Variants in NISCH observed in about 807,000 individuals in gnomAD.
NISCH encodes the protein nischarin.
Under a neutral mutation model 138.4 loss-of-function variants are expected in NISCH, and 55 were observed. That is an observed-to-expected ratio of 0.40 (90% CI 0.32 to 0.50). The LOEUF is 0.50. Ranked by LOEUF, NISCH falls within the 20% of genes least tolerant of loss-of-function variation. The probability of loss-of-function intolerance (pLI) is 0.71; values close to 1 mark genes in which losing one functional copy is unlikely to be tolerated. For missense variants in NISCH, 1,643 were observed against 2,005.5 expected, an observed-to-expected ratio of 0.82 and a Z score of 3.45; for synonymous variants, 860 against 861.5, an observed-to-expected ratio of 1.00 and a Z score of 0.03.
At chr3:52,456,495 T>TGCCA (rs10658765) in intron 1 of NISCH, among the ~76,000 whole-genome samples, 15,904 of 152,200 alleles carry the variant, frequency 0.1, 887 homozygotes, top group Non-Finnish European at 0.12. Context: ...CGGGGTTGGA[T>TGCCA]GCCAGGCCTG....
At chr3:52,474,246 T>C (rs1707034828) in intron 7 of NISCH, among the ~76,000 whole-genome samples, 1 of 152,164 alleles carries the variant, frequency 6.6e-6, no homozygotes, top group Non-Finnish European at 1.5e-5. Context: ...CCCAAGTAGC[T>C]GGGATTACAG....
intron 5 of NISCH, 53 bp from the exon 6 acceptor site, chr3:52,472,250 C>G (rs772438736): frequency 1.6e-5 from 25 of 1,520,714 alleles, no homozygotes; most frequent in Non-Finnish European, 2.3e-5. Flanking sequence ...CTGCAGCACT[C>G]CCCGATGGGC....
intron 4 of NISCH, chr3:52,471,543 T>G: frequency 3.7e-6 from 2 of 545,012 alleles, no homozygotes. Flanking sequence ...CCCAGTGCCT[T>G]TGGTCTCGAC....
intron 14 of NISCH, 72 bp from the exon 15 acceptor site, chr3:52,485,706 G>C (rs1707384227): frequency 6.6e-7 from 1 of 1,512,880 alleles, no homozygotes; most frequent in Non-Finnish European, 9.0e-7. Flanking sequence ...CCCAGCTCAG[G>C]GTCTGGCAAC....
intron 18 of NISCH, 58 bp downstream of exon 18, chr3:52,490,289 G>T (rs540617120): frequency 1.1e-5 from 17 of 1,579,328 alleles, no homozygotes; most frequent in African/African-American, 2.7e-5. Flanking sequence ...GGGCAGGCCT[G>T]GGGGGTCATT....
chr3:52,456,487 G>C (rs1172262151), intron 1 of NISCH, among the ~76,000 whole-genome samples: 2 of 150,152 alleles, frequency 1.3e-5, no homozygotes, highest in Non-Finnish European at 3.0e-5. Context: ...GACTTTGACG[G>C]GGTTGGATGC....
chr3:52,478,205 C>G lies in NISCH; in HGVS notation c.1096C>G (p.Leu366Val). 6.2e-7 allele frequency: 1 copy of G among 1,614,128 alleles called. No homozygotes were observed. Among genetic ancestry groups the G allele is most frequent in the Non-Finnish European group, 8.5e-7 (1 of 1,179,988 alleles). The part of the protein sequence containing the change: ...NIKTLNLAGN[L>V]LESLSGLHKL... ...CAAGACCTTAAACCTGGCAGGCAAC[C>G]TCCTAGAGAGTCTGAGTGGCCTGCA... The change falls in exon 10 of 21, where the codon CTC becomes GTC. Residue 366 changes from leucine (L) to valine (V), a missense_variant. By Grantham distance (32) the Leu-to-Val change is conservative (BLOSUM62 1). Transcript: ENST00000345716.
Position 52,492,311 on chromosome 3 carries a change from G to C in NISCH, c.4344G>C (p.Leu1448=). 6.2e-7 allele frequency: 1 copy of C among 1,613,424 alleles called. No individual in the cohort carries two copies. Among genetic ancestry groups the C allele is most frequent in the South Asian group, 1.1e-5 (1 of 91,092 alleles). ...ATGACCTCATGGGCAGTGTCACCCT[G>C]GACCACTTTGGGGAGGTGCCAGGTG... ...QGHDLMGSVT[L]DHFGEVPGGP... Residue 1448 remains leucine, a synonymous_variant, in exon 21 of 21, where the codon CTG becomes CTC. Coordinates refer to ENST00000345716, the MANE Select transcript of NISCH (RefSeq NM_007184.4).
Position 52,455,687 on chromosome 3 carries a change from G to A in NISCH, c.46G>A (p.Ala16Thr). 7.3e-7 allele frequency: 1 copy of A among 1,365,688 alleles called. No homozygotes were observed. Among genetic ancestry groups the A allele is most frequent in the Non-Finnish European group, 9.5e-7 (1 of 1,049,422 alleles). The allele number at this position is 1,365,688 out of a possible 1,614,324, so 84.6% of individuals were successfully genotyped here. Residue 16 changes from alanine to threonine, a missense_variant, in exon 1 of 21, where the codon GCC becomes ACC. Ala to Thr is a moderately conservative substitution (Grantham distance 58). Transcript: ENST00000345716. ...CGGGCCCGAGCGGGAAGCCGAGCCG[G>A]CCAAGGAAGCGCGCGTCGTGGGCTC... ...TFGPEREAEP[A>T]KEARVVGSEL...
intron 5 of NISCH, 67 bp from the exon 6 acceptor site, chr3:52,472,236 G>T: frequency 7.0e-7 from 1 of 1,431,420 alleles, no homozygotes; most frequent in Non-Finnish European, 9.8e-7. Flanking sequence ...CAACTTGTCA[G>T]CTGCTGCAGC....
At chr3:52,485,730 G>A (rs1416397109) in intron 14 of NISCH, 48 bp from the exon 15 acceptor site, 9 of 1,552,298 alleles carry the variant, frequency 5.8e-6, no homozygotes, top group Non-Finnish European at 7.9e-6. Flanking sequence ...TAAATGGCTG[G>A]GGCTGGCTGC....
chr3:52,465,583 C>T (rs1706758690), intron 3 of NISCH, among the ~76,000 whole-genome samples: 1 of 152,190 alleles, frequency 6.6e-6, no homozygotes, highest in African/African-American at 2.4e-5. Flanking sequence ...GTGTCCTGAC[C>T]CTCCTGGACG....
chr3:52,463,814 C>A (rs1454681060), intron 3 of NISCH, among the ~76,000 whole-genome samples: 1 of 149,210 alleles, frequency 6.7e-6, no homozygotes, highest in Non-Finnish European at 1.5e-5. Context: ...ACCTCTGTCT[C>A]CTGGGTTCAA....
intron 2 of NISCH, 130 bp downstream of exon 2, chr3:52,458,056 T>C: frequency 1.5e-6 from 1 of 652,336 alleles, no homozygotes; most frequent in South Asian, 2.0e-5. Flanking sequence ...AACCACTTTG[T>C]TAATATAACT....
At chr3:52,481,167 G>A (rs1707260347) in intron 13 of NISCH, 3 of 1,212,492 alleles carry the variant, frequency 2.5e-6, no homozygotes, top group Non-Finnish European at 3.1e-6. Flanking sequence ...AAGGGGAGGT[G>A]AAATGCTCAC....
At chr3:52,480,413 G>A (rs1487550696) in intron 13 of NISCH, 118 bp downstream of exon 13, 6 of 1,551,296 alleles carry the variant, frequency 3.9e-6, no homozygotes, top group Middle Eastern at 1.7e-4. Context: ...CAGACACAGG[G>A]AGGGCAGTGC....
chr3:52,461,363 T>C lies in NISCH; in HGVS notation c.360+2519T>C, dbSNP rs534460343. Reference sequence around the variant, plus strand: ...AGTGCTAACCTGGGGCCACTGAGCTTGGCAGGGACAGGTGGAAAAGTAGAT... The same window carrying C: ...AGTGCTAACCTGGGGCCACTGAGCTCGGCAGGGACAGGTGGAAAAGTAGAT... On this transcript the variant is annotated intron_variant, in intron 3 of 20. Transcript: ENST00000345716. Among the ~76,000 whole-genome samples, 4 of 152,348 alleles carry C rather than the reference T, an allele frequency of 2.6e-5. No homozygotes were observed. The South Asian group carries it at 8.3e-4, about 32-fold the overall frequency.
rs370066214 is a variant in NISCH, at chr3:52,488,578, A to T, written c.3086A>T (p.Asp1029Val). The stretch of plus-strand genomic sequence containing the variant: ...GGCAGCCCCCAGGGCTCCTTTGCGG[A>T]TGGCCAGCCTGCCGAGCGCAGGGCC... ...TGGSPQGSFA[D>V]GQPAERRASN... is the part of the protein sequence containing the mutation. Residue 1029 changes from aspartate (D) to valine (V), a missense_variant, in exon 16 of 21, where the codon GAT becomes GTT. Asp to Val is a radical substitution (Grantham distance 152). Transcript: ENST00000345716. 6 of 1,611,556 alleles carry T rather than the reference A, an allele frequency of 3.7e-6. No individual in the cohort carries two copies. The highest frequency in any genetic ancestry group is 5.1e-6 in the Non-Finnish European group (6 of 1,179,208).
At position 52,492,198 on chromosome 3, in the gene NISCH, C is replaced by T. The variant is rs753762136; in HGVS notation, c.4231C>T (p.Arg1411Cys). 16 of 1,612,968 alleles carry T rather than the reference C, an allele frequency of 9.9e-6. No individual in the cohort carries two copies. The highest frequency in any genetic ancestry group is 2.7e-5 in the African/African-American group (2 of 74,944). ...AGACAGGTACCGGCTGGACGATGGC[C>T]GCCGCGTCCGGGACCTGGACCGAGT... ...QRDRYRLDDG[R>C]RVRDLDRVLM... Residue 1411 changes from arginine to cysteine, a missense_variant, in exon 21 of 21, where the codon CGC (arginine) becomes TGC (cysteine). Arg to Cys is a radical substitution (Grantham distance 180). Coordinates refer to ENST00000345716, the MANE Select transcript of NISCH (RefSeq NM_007184.4).
Sources: gnomAD v4.1 joint callset for allele counts (sites outside exome capture counted in the v4.1 genomes callset) on GRCh38, gnomAD v4.1.1 for gene constraint, MANE v1.5 for transcripts, NCBI Gene and HGNC (gene_info 2026-07-23, HGNC 2026-07-21) for gene names.